Variants in XRN1 observed in about 807,000 individuals in gnomAD.
XRN1 encodes strand-exchange protein 1 homolog.
Under a neutral mutation model 222.3 loss-of-function variants are expected in XRN1, and 67 were observed. The ratio of observed to expected loss-of-function variants is 0.30; its 90% confidence interval spans 0.25 to 0.37. XRN1 has a LOEUF of 0.37. XRN1 is among the 10% of genes least tolerant of loss of function. The pLI is 1.00. For synonymous variants in XRN1, 643 were observed against 652.4 expected, an observed-to-expected ratio of 0.99 and a Z score of 0.22; for missense variants, 1,707 against 2,000.2, an observed-to-expected ratio of 0.85 and a Z score of 2.80.
intron 37 of XRN1, among the ~76,000 whole-genome samples, chr3:142,321,484 G>A (rs2065354695): frequency 6.6e-6 from 1 of 152,138 alleles, no homozygotes; most frequent in Admixed American, 6.6e-5. Context: ...GTATGCAAGG[G>A]TTTATTTTTG....
Position 142,365,146 on chromosome 3 carries a change from G to T in XRN1, c.3295C>A (p.Arg1099=). The change falls in exon 29 of 41, where the codon CGG becomes AGG. Residue 1099 remains arginine, a synonymous_variant. Coordinates refer to ENST00000392981, the MANE Select transcript of XRN1 (RefSeq NM_001282857.2). The part of the protein sequence containing the change: ...LEQQHGVIPD[R]DAEFCLFDRV... ...TCAAAAAGACAAAATTCTGCATCCCGATCAGGAATGACTCCATGTTGCTGT... is the reference window on the plus strand; with the variant it reads ...TCAAAAAGACAAAATTCTGCATCCCTATCAGGAATGACTCCATGTTGCTGT... 3 of 1,613,024 alleles carry T rather than the reference G, an allele frequency of 1.9e-6. No individual in the cohort carries two copies. The highest frequency in any genetic ancestry group is 2.5e-6 in the Non-Finnish European group (3 of 1,179,474).
chr3:142,360,873 C>CAAAA (rs71153960), intron 29 of XRN1, among the ~76,000 whole-genome samples: 8 of 118,762 alleles, frequency 6.7e-5, no homozygotes, highest in Admixed American at 9.2e-5. Flanking sequence ...GACTCCGTCT[C>CAAAA]AAAAAAAAAA....
intron 27 of XRN1, among the ~76,000 whole-genome samples, chr3:142,367,378 G>T (rs1231524275): frequency 1.1e-5 from 1 of 92,092 alleles, no homozygotes; most frequent in Non-Finnish European, 2.1e-5. Context: ...ATTCTCCGGT[G>T]ATTTGTTTGT....
intron 29 of XRN1, among the ~76,000 whole-genome samples, chr3:142,362,694 C>T (rs2066683769): frequency 6.8e-6 from 1 of 147,642 alleles, no homozygotes; most frequent in African/African-American, 2.5e-5. Flanking sequence ...CTTTTTCTCT[C>T]CCTCCCTTCT....
At chr3:142,409,577 T>A (rs2068483717) in intron 15 of XRN1, among the ~76,000 whole-genome samples, 1 of 152,222 alleles carries the variant, frequency 6.6e-6, no homozygotes, top group South Asian at 2.1e-4. Context: ...GGCTTCATGG[T>A]TAGTCTGGAA....
intron 23 of XRN1, among the ~76,000 whole-genome samples, chr3:142,379,706 G>A (rs1456882667): frequency 6.6e-6 from 1 of 152,172 alleles, no homozygotes; most frequent in Admixed American, 6.5e-5. Context: ...GATACATACA[G>A]CCTTTGCAGA....
At chr3:142,345,220 G>A (rs1452460733) in intron 33 of XRN1, among the ~76,000 whole-genome samples, 1 of 152,174 alleles carries the variant, frequency 6.6e-6, no homozygotes, top group African/African-American at 2.4e-5. Flanking sequence ...ACAGATGCAT[G>A]CCTGGCTCTA....
rs767617773 is a variant in XRN1, at chr3:142,384,702, A to G, written c.2340-17T>C. The G allele has an allele frequency of 6.4e-7, 1 of 1,558,154 alleles. No individual in the cohort carries two copies. Among genetic ancestry groups the G allele is most frequent in the Admixed American group, 1.9e-5 (1 of 53,668 alleles). Reference sequence around the variant, plus strand: ...CTCAGGTAGCTAAAATAAAGAATAAACATGAAATATACATATGAATGAGTA... The same window carrying G: ...CTCAGGTAGCTAAAATAAAGAATAAGCATGAAATATACATATGAATGAGTA... On this transcript the variant is annotated splice_polypyrimidine_tract_variant and intron_variant, in intron 20 of 40. Transcript: ENST00000392981.
intron 32 of XRN1, among the ~76,000 whole-genome samples, chr3:142,353,458 G>GT (rs1193166218): frequency 6.6e-6 from 1 of 152,106 alleles, no homozygotes; most frequent in African/African-American, 2.4e-5. Context: ...TGTAACAAAA[G>GT]TAGCATGGTA....
intron 19 of XRN1, among the ~76,000 whole-genome samples, chr3:142,400,232 T>C (rs2068076185): frequency 6.6e-6 from 1 of 152,114 alleles, no homozygotes; most frequent in Admixed American, 6.5e-5. Flanking sequence ...AGGGAAAAAA[T>C]AACATATGCA....
At chr3:142,426,710 A>C in intron 3 of XRN1, 34 bp downstream of exon 3, 2 of 1,568,204 alleles carry the variant, frequency 1.3e-6, no homozygotes, top group Non-Finnish European at 1.7e-6. Context: ...TTTATATTTC[A>C]ATTCTGTCAT....
chr3:142,312,089 C>A (rs907369939), intron 40 of XRN1, among the ~76,000 whole-genome samples: 5 of 151,918 alleles, frequency 3.3e-5, no homozygotes, highest in Non-Finnish European at 7.4e-5. Flanking sequence ...GGGTTCGAGA[C>A]CATGGCAAAA....
At chr3:142,331,355 G>C (rs1022446398) in intron 36 of XRN1, among the ~76,000 whole-genome samples, 1 of 149,018 alleles carries the variant, frequency 6.7e-6, no homozygotes, top group African/African-American at 2.5e-5. Context: ...AGGCTTTACA[G>C]ACTTAAGAGT....
intron 20 of XRN1, among the ~76,000 whole-genome samples, chr3:142,386,237 T>A (rs1010569958): frequency 1.3e-5 from 2 of 151,968 alleles, no homozygotes; most frequent in Non-Finnish European, 2.9e-5. Flanking sequence ...TCTTTATAAT[T>A]ATGGGCCAGT....
chr3:142,350,089 A>C (rs1423347957), intron 32 of XRN1, among the ~76,000 whole-genome samples: 1 of 152,196 alleles, frequency 6.6e-6, no homozygotes, highest in Non-Finnish European at 1.5e-5. Context: ...AAATGGTTGG[A>C]CATACATCAT....
At chr3:142,370,226 A>G (rs1056816200) in intron 27 of XRN1, among the ~76,000 whole-genome samples, 5 of 152,188 alleles carry the variant, frequency 3.3e-5, no homozygotes, top group African/African-American at 4.8e-5. Context: ...ATATAATTTT[A>G]TAAGTTTATA....
chr3:142,346,192 GC>G (rs1365398291), intron 33 of XRN1, among the ~76,000 whole-genome samples: 1 of 152,186 alleles, frequency 6.6e-6, no homozygotes, highest in East Asian at 1.9e-4. Flanking sequence ...ATATTATTCA[GC>G]CATAAGAAAG....
In XRN1 at chr3:142,365,385, T is replaced by G. The variant is rs1187156033; in HGVS notation, c.3205-19A>C. 2 of 1,523,640 alleles carry G rather than the reference T, an allele frequency of 1.3e-6. No homozygotes were observed. Among genetic ancestry groups the G allele is most frequent in the Admixed American group, 1.9e-5 (1 of 53,828 alleles). The allele number at this position is 1,523,640 out of a possible 1,614,324, so 94.4% of individuals were successfully genotyped here. A position where few individuals can be genotyped will look rare whatever the true frequency, so the allele number is the denominator to read the frequency against. ...TTCTTTGCTGAGGAAAAAGAAAAAT[T>G]GTTAAATATTTTTAAAATATAAAAT... On this transcript the variant is annotated intron_variant, in intron 27 of 40. Coordinates refer to ENST00000392981, the MANE Select transcript of XRN1 (RefSeq NM_001282857.2).
At chr3:142,364,222 T>C (rs1188243905) in intron 29 of XRN1, among the ~76,000 whole-genome samples, 2 of 152,240 alleles carry the variant, frequency 1.3e-5, no homozygotes, top group Non-Finnish European at 2.9e-5. Context: ...GGCCCGTCTG[T>C]TCTTCCTACT....
Sources: allele counts gnomAD v4.1 joint callset (sites outside exome capture counted in the v4.1 genomes callset), GRCh38; gene constraint gnomAD v4.1.1; transcripts MANE v1.5; gene names NCBI Gene and HGNC (gene_info 2026-07-23, HGNC 2026-07-21).